CLEC19A: variants seen among roughly 807,000 people sequenced by gnomAD.
CLEC19A encodes C-type lectin domain family 19 member A.
Under a neutral mutation model 26.1 loss-of-function variants are expected in CLEC19A, and 21 were observed. The observed-to-expected ratio is 0.80, with a 90% CI of 0.57 to 1.16. CLEC19A has a LOEUF of 1.16. Among genes scored for constraint, CLEC19A ranks in the 50% most tolerant of loss-of-function variants. The pLI is 0.00. For missense variants in CLEC19A, 224 were observed against 227.6 expected (o/e 0.98, Z 0.10); for synonymous variants, 89 against 88.6 (o/e 1.00, Z -0.03).
chr16:19,293,684 G>A (rs1312504598), intron 1 of CLEC19A, among the ~76,000 whole-genome samples: 2 of 152,060 alleles, frequency 1.3e-5, no homozygotes, highest in Non-Finnish European at 2.9e-5. Context: ...TCAAACTCCT[G>A]GGCTCAAGCG....
rs1216607440 is a variant in CLEC19A at position 19,310,299 on chromosome 16, T to C, written c.*1216T>C. Reference sequence around the variant, plus strand: ...GCCTGGGCAACATAGTAAGACCCCATCTCCATAAGAAAAATTTTTTAATTA... The same window carrying C: ...GCCTGGGCAACATAGTAAGACCCCACCTCCATAAGAAAAATTTTTTAATTA... On this transcript the variant is annotated 3_prime_UTR_variant, in exon 5 of 5. Coordinates refer to ENST00000636231, the MANE Select transcript of CLEC19A (RefSeq NM_001256720.2). 6.6e-6 allele frequency: 1 copy of C among 151,468 alleles called. No individual in the cohort carries two copies. Among genetic ancestry groups the C allele is most frequent in the Non-Finnish European group, 1.5e-5 (1 of 67,874 alleles). 9.4% of individuals were successfully genotyped at this position (151,468 alleles called of 1,614,324 possible).
chr16:19,305,562 G>A (rs998733593), intron 3 of CLEC19A, among the ~76,000 whole-genome samples: 5 of 152,160 alleles, frequency 3.3e-5, no homozygotes, highest in East Asian at 1.9e-4. Context: ...TAGGGAATAA[G>A]GTTCCAGTGC....
rs1377938524 is a variant in CLEC19A at position 19,301,735 on chromosome 16, GGTTTTTTTTTTT to G, written c.255-2326_255-2315del. On this transcript the variant is annotated intron_variant, in intron 2 of 4. Transcript: ENST00000636231. ...CATGACACCATGCCCAGGTTTTTTTGGTTTTTTTTTTTTTTTTTTTTTTTTTTTTGTATTTTT... is the reference window on the plus strand; with the variant it reads ...CATGACACCATGCCCAGGTTTTTTTGTTTTTTTTTTTTTTTTTGTATTTTT... Among the ~76,000 whole-genome samples the G allele has an allele frequency of 3.7e-3, 129 of 35,140 alleles. 3 individuals are homozygous for G. Among genetic ancestry groups the G allele is most frequent in the African/African-American group, 0.013 (96 of 7,296 alleles). 23.1% of individuals were successfully genotyped at this position (35,140 alleles called of 152,430 possible). A position where few individuals can be genotyped will look rare whatever the true frequency, so the allele number is the denominator to read the frequency against.
intron 1 of CLEC19A, 22 bp from the exon 2 acceptor site, chr16:19,298,651 T>A (rs1412602133): frequency 6.5e-7 from 1 of 1,549,998 alleles, no homozygotes; most frequent in African/African-American, 1.4e-5. Context: ...TTCCTCCCAG[T>A]CTGTTTCCTT....
chr16:19,303,334 T>C (rs1371376857), intron 2 of CLEC19A, among the ~76,000 whole-genome samples: 1 of 152,260 alleles, frequency 6.6e-6, no homozygotes, highest in African/African-American at 2.4e-5. Context: ...TTCATCCATT[T>C]GTCTATCCAT....
intron 3 of CLEC19A, among the ~76,000 whole-genome samples, chr16:19,304,567 T>G (rs179222): frequency 0.3 from 44,869 of 151,956 alleles, 7,183 homozygotes; most frequent in African/African-American, 0.41. Context: ...TGGGCGCTGT[T>G]GTGGGCTCCT....
chr16:19,295,197 G>A (rs1327019286), intron 1 of CLEC19A, among the ~76,000 whole-genome samples: 2 of 151,822 alleles, frequency 1.3e-5, no homozygotes, highest in Non-Finnish European at 2.9e-5. Context: ...GGGACTCTCA[G>A]GGTTTTGTTG....
intron 3 of CLEC19A, chr16:19,304,396 TAAA>T (rs35007845): frequency 4.8e-3 from 940 of 196,276 alleles, no homozygotes; most frequent in South Asian, 0.01. Context: ...TGGGTTCTCT[TAAA>T]AAAAAAAAAA....
At chr16:19,308,085 G>A (rs1055977289) in intron 4 of CLEC19A, among the ~76,000 whole-genome samples, 1 of 152,212 alleles carries the variant, frequency 6.6e-6, no homozygotes, top group African/African-American at 2.4e-5. Context: ...GGTGTGGGTA[G>A]TGAGAAGAGT....
rs1468031539 is a variant in CLEC19A at position 19,294,370 on chromosome 16, T to C, written c.89-4303T>C. Among the ~76,000 whole-genome samples, 3 of 152,166 alleles carry C rather than the reference T, an allele frequency of 2.0e-5. No individual in the cohort carries two copies. The South Asian group carries it at 6.2e-4, about 32-fold the overall frequency. On this transcript the variant is annotated intron_variant, in intron 1 of 4. Transcript: ENST00000636231. ...ATAGAGATAGAGAGCAAAGCAAGCA[T>C]ATTGCTCCAGAGCCCTAAGTAGGGC... is the stretch of plus-strand genomic sequence containing the variant.
At chr16:19,303,940 T>A (rs970712967) in intron 2 of CLEC19A, 122 bp from the exon 3 acceptor site, 7 of 763,368 alleles carry the variant, frequency 9.2e-6, no homozygotes, top group African/African-American at 5.3e-5. Flanking sequence ...GGAGGCCGAA[T>A]TGGATCATAT....
intron 2 of CLEC19A, 89 bp from the exon 3 acceptor site, chr16:19,303,973 A>C (rs1284610819): frequency 1.8e-6 from 2 of 1,086,662 alleles, no homozygotes; most frequent in East Asian, 5.2e-5. Context: ...TTGGTCCAGG[A>C]AGGTAAATAT....
chr16:19,303,134 G>A (rs964596177), intron 2 of CLEC19A, among the ~76,000 whole-genome samples: 2 of 152,198 alleles, frequency 1.3e-5, no homozygotes, highest in African/African-American at 4.8e-5. Flanking sequence ...TTGTGAGAAC[G>A]AAATGAGTTC....
In CLEC19A at chr16:19,309,267, T is replaced by C; in HGVS notation, c.*184T>C. On this transcript the variant is annotated 3_prime_UTR_variant, in exon 5 of 5. Transcript: ENST00000636231. ...TTGGCCAAGTGTCAGGAAAGCCAGC[T>C]CAAATTGGCTTAATTTTTTAAAGTG... 1 of 507,192 alleles carries C rather than the reference T, an allele frequency of 2.0e-6. No homozygotes were observed. The highest frequency in any genetic ancestry group is 3.7e-5 in the Admixed American group (1 of 26,920). 31.4% of individuals were successfully genotyped at this position (507,192 alleles called of 1,614,324 possible).
Position 19,285,858 on chromosome 16 carries a change from A to C in CLEC19A, c.7A>C (p.Arg3=), listed in dbSNP as rs1897452008. MQ[R]WTLWAAAFLT... ...TGCTTTCTAGGAGCTCAGGATGCAA[A>C]GGTGGACACTGTGGGCTGCAGCCTT... Residue 3 remains arginine, a synonymous_variant, in exon 1 of 5, where the codon AGG becomes CGG. Transcript: ENST00000636231. 1 of 1,550,474 alleles carries C rather than the reference A, an allele frequency of 6.4e-7. No individual in the cohort carries two copies. Among genetic ancestry groups the C allele is most frequent in the Non-Finnish European group, 8.7e-7 (1 of 1,146,970 alleles).
At chr16:19,302,597 C>T (rs914409470) in intron 2 of CLEC19A, among the ~76,000 whole-genome samples, 4 of 152,124 alleles carry the variant, frequency 2.6e-5, no homozygotes, top group Admixed American at 1.3e-4. Flanking sequence ...TACTAAAGTT[C>T]GCCTTTTAGT....
chr16:19,302,387 A>G (rs1897852369), intron 2 of CLEC19A, among the ~76,000 whole-genome samples: 1 of 152,206 alleles, frequency 6.6e-6, no homozygotes, highest in South Asian at 2.1e-4. Context: ...GTCATTTGGA[A>G]GAAGCTGATG....
chr16:19,286,425 G>C (rs77582164), intron 1 of CLEC19A, among the ~76,000 whole-genome samples: 1,709 of 152,300 alleles, frequency 0.011, 37 homozygotes, highest in African/African-American at 0.038. Flanking sequence ...TAGGTGCGCA[G>C]GGAGGGAGAC....
intron 1 of CLEC19A, among the ~76,000 whole-genome samples, chr16:19,294,917 G>A (rs1897673636): frequency 1.3e-5 from 2 of 152,096 alleles, no homozygotes; most frequent in Admixed American, 6.5e-5. Flanking sequence ...TCCATCTGGG[G>A]CAGGGTTTCT....
Sources: gnomAD v4.1 joint callset for allele counts (sites outside exome capture counted in the v4.1 genomes callset) on GRCh38, gnomAD v4.1.1 for gene constraint, MANE v1.5 for transcripts, NCBI Gene and HGNC (gene_info 2026-07-23, HGNC 2026-07-21) for gene names.